DLEU7: variants seen among roughly 807,000 people sequenced by gnomAD.
The protein encoded by DLEU7 is deleted in lymphocytic leukemia 7, also known as leukemia-associated protein 7.
In DLEU7, 17 loss-of-function variants were observed where a neutral mutation model predicts 16.0. The ratio of observed to expected loss-of-function variants is 1.06; its 90% CI spans 0.73 to 1.59. The LOEUF (loss-of-function observed/expected upper bound fraction) is 1.59. Among genes scored for constraint, DLEU7 ranks in the 40% most tolerant of loss-of-function variants. The pLI, the probability that DLEU7 is intolerant of heterozygous loss-of-function variation, is 0.00. For synonymous variants in DLEU7, 113 were observed against 139.8 expected, an observed-to-expected ratio of 0.81 and a Z score of 1.35; for missense variants, 308 against 314.9, an observed-to-expected ratio of 0.98 and a Z score of 0.17.
chr13:50,791,123 C>T (rs1875944574), intron 1 of DLEU7, among the ~76,000 whole-genome samples: 1 of 152,116 alleles, frequency 6.6e-6, no homozygotes, highest in Admixed American at 6.5e-5. Flanking sequence ...ATGCATCCAA[C>T]CTGTGGGCCT....
At chr13:50,728,680 G>GC (rs1593530575) in intron 1 of DLEU7, among the ~76,000 whole-genome samples, 1 of 151,976 alleles carries the variant, frequency 6.6e-6, no homozygotes, top group South Asian at 2.1e-4. Context: ...TCTTTTGCCT[G>GC]CCCCAAAGAT....
chr13:50,732,098 T>C (rs1352523545), intron 1 of DLEU7, among the ~76,000 whole-genome samples: 1 of 152,240 alleles, frequency 6.6e-6, no homozygotes. Flanking sequence ...AAACCCTTTC[T>C]GATTTTTTAA....
chr13:50,714,143 A>T (rs1313639258), intron 1 of DLEU7, among the ~76,000 whole-genome samples: 1 of 152,228 alleles, frequency 6.6e-6, no homozygotes, highest in Non-Finnish European at 1.5e-5. Flanking sequence ...CATTGTAGGA[A>T]GGCATAAGAG....
chr13:50,713,100 C>T (rs994702191), exon 2 of DLEU7: 12 of 1,230,122 alleles, frequency 9.8e-6, no homozygotes, highest in South Asian at 1.3e-5. Context: ...AGGCCAACAA[C>T]GTGGTAATAA....
chr13:50,769,551 T>G (rs887206633), intron 1 of DLEU7, among the ~76,000 whole-genome samples: 2 of 152,204 alleles, frequency 1.3e-5, no homozygotes, highest in African/African-American at 4.8e-5. Flanking sequence ...GGGAGTCCTT[T>G]CCCCATTTCT....
intron 1 of DLEU7, among the ~76,000 whole-genome samples, chr13:50,763,452 A>T (rs529510160): frequency 6.6e-6 from 1 of 152,322 alleles, no homozygotes; most frequent in South Asian, 2.1e-4. Context: ...GCCTGTGCAG[A>T]TGGAAGAAGA....
chr13:50,749,777 G>C (rs1874510127), intron 1 of DLEU7, among the ~76,000 whole-genome samples: 1 of 151,870 alleles, frequency 6.6e-6, no homozygotes, highest in Admixed American at 6.6e-5. Flanking sequence ...GCTCACTTTT[G>C]GATGGGATTG....
rs1874188555 is a variant in DLEU7 at position 50,739,333 on chromosome 13, T to C, written c.460-26093A>G. 2.0e-5 allele frequency among the ~76,000 whole-genome samples: 3 copies of C among 152,196 alleles called. No individual in the cohort carries two copies. The South Asian group carries it at 6.2e-4, about 32-fold the overall frequency. On this transcript the variant is annotated intron_variant, in intron 1 of 1. Coordinates refer to the DLEU7 transcript ENST00000400393. ...GATCTGCATCATCTGGAACCAAATT[T>C]GACTTGTTTCCAACAGTAACCCAGT...
chr13:50,817,161 C>G (rs1047937521), intron 1 of DLEU7, among the ~76,000 whole-genome samples: 2 of 152,120 alleles, frequency 1.3e-5, no homozygotes, highest in Non-Finnish European at 2.9e-5. Flanking sequence ...TTATCAAAGT[C>G]TCCACCAAGT....
intron 1 of DLEU7, among the ~76,000 whole-genome samples, chr13:50,794,217 A>G (rs146144648): frequency 1.1e-3 from 171 of 152,294 alleles, no homozygotes; most frequent in Admixed American, 2.9e-3. Context: ...GCACAGGTCA[A>G]TAGATATTTG....
intron 1 of DLEU7, among the ~76,000 whole-genome samples, chr13:50,767,768 A>G (rs1875165475): frequency 6.6e-6 from 1 of 152,172 alleles, no homozygotes; most frequent in Admixed American, 6.5e-5. Context: ...CAGGACCAGC[A>G]TACACACAGA....
chr13:50,765,042 C>G (rs1421781397), intron 1 of DLEU7, among the ~76,000 whole-genome samples: 3 of 152,080 alleles, frequency 2.0e-5, no homozygotes, highest in African/African-American at 7.2e-5. Flanking sequence ...ACCATCATGC[C>G]TGGTAAATTT....
At chr13:50,771,780 CT>C (rs1293991467) in intron 1 of DLEU7, among the ~76,000 whole-genome samples, 1 of 152,170 alleles carries the variant, frequency 6.6e-6, no homozygotes, top group African/African-American at 2.4e-5. Flanking sequence ...TCTATTAGGT[CT>C]GCTTGGTGCA....
intron 1 of DLEU7, among the ~76,000 whole-genome samples, chr13:50,829,760 A>G (rs1159030927): frequency 6.6e-6 from 1 of 152,212 alleles, no homozygotes; most frequent in Non-Finnish European, 1.5e-5. Context: ...GGGACTCTTA[A>G]GCCAGGGTAG....
intron 1 of DLEU7, among the ~76,000 whole-genome samples, chr13:50,834,047 G>T (rs1488870420): frequency 6.6e-6 from 1 of 152,056 alleles, no homozygotes; most frequent in African/African-American, 2.4e-5. Flanking sequence ...CCTCAAGATG[G>T]ATTAAAGACT....
chr13:50,736,366 G>A (rs1438011383), intron 1 of DLEU7, among the ~76,000 whole-genome samples: 1 of 152,074 alleles, frequency 6.6e-6, no homozygotes, highest in African/African-American at 2.4e-5. Flanking sequence ...TGGAGGGTGG[G>A]AGGAGGGAGA....
chr13:50,802,449 A>G (rs1433362118), intron 1 of DLEU7, among the ~76,000 whole-genome samples: 3 of 152,180 alleles, frequency 2.0e-5, no homozygotes, highest in Non-Finnish European at 4.4e-5. Context: ...CTTAGATAGC[A>G]AGCCCATGTT....
chr13:50,797,186 G>A (rs1876129548), intron 1 of DLEU7, among the ~76,000 whole-genome samples: 3 of 152,050 alleles, frequency 2.0e-5, no homozygotes. Context: ...TCTAGAACCT[G>A]GATTCAACCC....
chr13:50,757,630 T>C (rs1201694687), intron 1 of DLEU7, among the ~76,000 whole-genome samples: 2 of 152,230 alleles, frequency 1.3e-5, no homozygotes, highest in South Asian at 2.1e-4. Flanking sequence ...AATCGATTTC[T>C]ATTTTCCTCT....
Sources: gnomAD v4.1 joint callset for allele counts (sites outside exome capture counted in the v4.1 genomes callset) on GRCh38, gnomAD v4.1.1 for gene constraint, MANE v1.5 for transcripts, NCBI Gene and HGNC (gene_info 2026-07-23, HGNC 2026-07-21) for gene names.